YIPF4: variants seen among roughly 807,000 people sequenced by gnomAD.
YIPF4 encodes Yip1 domain family member 4, also known as protein YIPF4.
YIPF4 carries 18 observed loss-of-function variants against 29.4 expected under a neutral mutation model. That is an observed-to-expected ratio of 0.61 (90% CI 0.42 to 0.91). The LOEUF (loss-of-function observed/expected upper bound fraction) is 0.91, where lower values mean the gene tolerates loss of function less well. YIPF4 is among the 40% of genes least tolerant of loss of function. The pLI, the probability that YIPF4 is intolerant of heterozygous loss-of-function variation, is 0.00. For synonymous variants in YIPF4, 115 were observed against 104.7 expected (o/e 1.10, Z -0.60); for missense variants, 279 against 282.7 (o/e 0.99, Z 0.09).
At chr2:32,300,397 G>A (rs954984290) in intron 4 of YIPF4, among the ~76,000 whole-genome samples, 8 of 149,602 alleles carry the variant, frequency 5.3e-5, no homozygotes, top group African/African-American at 1.7e-4. Context: ...TCGCGCCACT[G>A]CACTCCAGTG....
intron 1 of YIPF4, among the ~76,000 whole-genome samples, chr2:32,282,295 A>G (rs1203360059): frequency 1.3e-5 from 2 of 152,150 alleles, no homozygotes; most frequent in African/African-American, 4.8e-5. Flanking sequence ...CTATTCTGCT[A>G]TCTCCTCAAG....
rs902045918 is a variant in YIPF4 at position 32,312,990 on chromosome 2, C to CA, written c.*7373dup. On this transcript the variant is annotated 3_prime_UTR_variant, in exon 6 of 6. Coordinates refer to ENST00000238831, the MANE Select transcript of YIPF4 (RefSeq NM_032312.4). Reference sequence around the variant, plus strand: ...TGGGTGACAGAGCGAGACTCTGTCTCAAAAAAAAAGACCGCCCCCCCCAAT... The same window carrying CA: ...TGGGTGACAGAGCGAGACTCTGTCTCAAAAAAAAAAGACCGCCCCCCCCAAT... 29 of 148,502 alleles carry CA rather than the reference C, an allele frequency of 2.0e-4. No homozygotes were observed. Among genetic ancestry groups the CA allele is most frequent in the South Asian group, 6.5e-4 (3 of 4,624 alleles). 9.2% of individuals were successfully genotyped at this position (148,502 alleles called of 1,614,324 possible).
intron 3 of YIPF4, 67 bp from the exon 4 acceptor site, chr2:32,298,167 C>G: frequency 5.6e-6 from 7 of 1,252,946 alleles, no homozygotes; most frequent in Non-Finnish European, 8.1e-6. Flanking sequence ...GGCAGAGAAT[C>G]GAGTTCCTGG....
intron 3 of YIPF4, among the ~76,000 whole-genome samples, chr2:32,293,441 A>G (rs1207497170): frequency 6.6e-6 from 1 of 152,250 alleles, no homozygotes; most frequent in Non-Finnish European, 1.5e-5. Flanking sequence ...CCAAGGCAGA[A>G]GAATTTTTCT....
chr2:32,288,271 C>T (rs942063250), intron 1 of YIPF4, among the ~76,000 whole-genome samples: 3 of 152,092 alleles, frequency 2.0e-5, no homozygotes, highest in African/African-American at 7.2e-5. Context: ...GCTGAAGATG[C>T]CTTTTTGAGG....
chr2:32,289,283 C>T (rs2030814771), intron 1 of YIPF4, among the ~76,000 whole-genome samples: 1 of 152,194 alleles, frequency 6.6e-6, no homozygotes, highest in African/African-American at 2.4e-5. Context: ...AGTAGCTAAG[C>T]TGGGACTTAG....
rs1241590239 is a variant in YIPF4 at position 32,307,951 on chromosome 2, AAAAC to A, written c.*2326_*2329del. ...CTCAAAAAAAAAAAAAAAAAAAAAA[AAAAC>A]CATGATTTGTAGATGTGTGCAAGAC... On this transcript the variant is annotated 3_prime_UTR_variant, in exon 6 of 6. Coordinates refer to ENST00000238831, the MANE Select transcript of YIPF4 (RefSeq NM_032312.4). The A allele has an allele frequency of 2.4e-3, 357 of 151,068 alleles. No individual in the cohort carries two copies. Among genetic ancestry groups the A allele is most frequent in the African/African-American group, 8.2e-3 (334 of 40,826 alleles). The allele number at this position is 151,068 out of a possible 1,614,324, so 9.4% of individuals were successfully genotyped here.
chr2:32,284,536 C>A (rs1225836417), intron 1 of YIPF4, among the ~76,000 whole-genome samples: 1 of 152,152 alleles, frequency 6.6e-6, no homozygotes, highest in Non-Finnish European at 1.5e-5. Context: ...TCTCCCTCCT[C>A]TGGCCATGTA....
Position 32,313,720 on chromosome 2 carries a change from A to G in YIPF4, c.*8094A>G, listed in dbSNP as rs938947862. 7 of 147,836 alleles carry G rather than the reference A, an allele frequency of 4.7e-5. No individual in the cohort carries two copies. Among genetic ancestry groups the G allele is most frequent in the African/African-American group, 7.5e-5 (3 of 39,822 alleles). The allele number at this position is 147,836 out of a possible 1,614,324, so 9.2% of individuals were successfully genotyped here. A position where few individuals can be genotyped will look rare whatever the true frequency, so the allele number is the denominator to read the frequency against. On this transcript the variant is annotated 3_prime_UTR_variant, in exon 6 of 6. Coordinates refer to ENST00000238831, the MANE Select transcript of YIPF4 (RefSeq NM_032312.4). ...TCAGAAATGTGCTTTATTTTATTTTATTAGACAAAGTCTTGCTCTGTTGCC... is the reference window on the plus strand; with the variant it reads ...TCAGAAATGTGCTTTATTTTATTTTGTTAGACAAAGTCTTGCTCTGTTGCC...
Position 32,309,939 on chromosome 2 carries a change from C to T in YIPF4, c.*4313C>T, listed in dbSNP as rs1487146056. 6.6e-6 allele frequency: 1 copy of T among 152,132 alleles called. No individual in the cohort carries two copies. Among genetic ancestry groups the T allele is most frequent in the Admixed American group, 6.5e-5 (1 of 15,280 alleles). 9.4% of individuals were successfully genotyped at this position (152,132 alleles called of 1,614,324 possible). A position where few individuals can be genotyped will look rare whatever the true frequency, so the allele number is the denominator to read the frequency against. On this transcript the variant is annotated 3_prime_UTR_variant, in exon 6 of 6. Transcript: ENST00000238831. ...TCCTGACCTCAGGTGATCCACCCAC[C>T]TTGGCCTCCCAAAGTGCTGGGATTA... is the stretch of plus-strand genomic sequence containing the variant.
At chr2:32,279,678 G>A (rs1039991592) in intron 1 of YIPF4, among the ~76,000 whole-genome samples, 1 of 151,412 alleles carries the variant, frequency 6.6e-6, no homozygotes, top group Non-Finnish European at 1.5e-5. Flanking sequence ...CAAAGTGCTG[G>A]GATTACAGGC....
intron 4 of YIPF4, 102 bp downstream of exon 4, chr2:32,298,413 A>C: frequency 2.4e-6 from 2 of 832,088 alleles, no homozygotes; most frequent in Non-Finnish European, 3.8e-6. Context: ...TTCTTGTCCC[A>C]GAATTGCTTT....
intron 5 of YIPF4, 60 bp from the exon 6 acceptor site, chr2:32,305,429 T>G: frequency 7.1e-7 from 1 of 1,411,316 alleles, no homozygotes; most frequent in Non-Finnish European, 9.3e-7. Flanking sequence ...CTCTATGATA[T>G]CCAAAAAGTT....
At chr2:32,291,414 G>A (rs1339080941) in intron 2 of YIPF4, among the ~76,000 whole-genome samples, 2 of 152,120 alleles carry the variant, frequency 1.3e-5, no homozygotes, top group Non-Finnish European at 2.9e-5. Context: ...CGTGGTGTCA[G>A]GGGCCTGTAG....
At chr2:32,286,317 T>C (rs181842570) in intron 1 of YIPF4, among the ~76,000 whole-genome samples, 1 of 152,304 alleles carries the variant, frequency 6.6e-6, no homozygotes, top group Non-Finnish European at 1.5e-5. Context: ...AAGACCTCTC[T>C]TTTCCATTTT....
chr2:32,300,388 C>T (rs1228777169), intron 4 of YIPF4, among the ~76,000 whole-genome samples: 4 of 150,324 alleles, frequency 2.7e-5, no homozygotes, highest in East Asian at 2.0e-4. Context: ...GAGCCGAGAT[C>T]GCGCCACTGC....
rs976765771 is a variant in YIPF4, at chr2:32,291,644, C to A, written c.234-533C>A. Among the ~76,000 whole-genome samples the A allele has an allele frequency of 2.0e-5, 3 of 152,106 alleles. No individual in the cohort carries two copies. In the South Asian group the frequency reaches 6.2e-4, roughly 32 times the overall value. ...TAATTAAACAGAAAAGTGCGTAAGACGGCATAAAGCTGGGACATCAAAGGG... is the reference window on the plus strand; with the variant it reads ...TAATTAAACAGAAAAGTGCGTAAGAAGGCATAAAGCTGGGACATCAAAGGG... On this transcript the variant is annotated intron_variant, in intron 2 of 5. Transcript: ENST00000238831.
intron 1 of YIPF4, among the ~76,000 whole-genome samples, chr2:32,287,675 TGAAAG>T (rs1265698425): frequency 2.0e-5 from 3 of 152,174 alleles, no homozygotes; most frequent in Admixed American, 2.0e-4. Context: ...ACATTTGAGT[TGAAAG>T]GGAAGAAAAA....
chr2:32,298,653 C>T (rs2031283070), intron 4 of YIPF4, among the ~76,000 whole-genome samples: 2 of 151,914 alleles, frequency 1.3e-5, no homozygotes. Flanking sequence ...CTCCGCCTCC[C>T]AGGTTCCCGA....
Sources: gnomAD v4.1 joint callset for allele counts (sites outside exome capture counted in the v4.1 genomes callset) on GRCh38, gnomAD v4.1.1 for gene constraint, MANE v1.5 for transcripts, NCBI Gene and HGNC (gene_info 2026-07-23, HGNC 2026-07-21) for gene names.